Variants in EEA1 observed in about 807,000 individuals in gnomAD.
EEA1 encodes early endosome antigen 1, 162kD.
A neutral mutation model predicts 209.2 loss-of-function variants in EEA1; 111 were observed. That is an observed-to-expected ratio of 0.53 (90% CI 0.45 to 0.62). The LOEUF is 0.62. Ranked by LOEUF, EEA1 falls within the 20% of genes least tolerant of loss-of-function variation. The probability of loss-of-function intolerance (pLI) is 0.00; values close to 1 mark genes in which losing one functional copy is unlikely to be tolerated. For synonymous variants in EEA1, 536 were observed against 540.6 expected (o/e 0.99, Z 0.12); for missense variants, 1,343 against 1,530.8 (o/e 0.88, Z 2.05).
intron 1 of EEA1, among the ~76,000 whole-genome samples, chr12:92,921,038 A>G (rs1012323269): frequency 1.3e-5 from 2 of 152,192 alleles, no homozygotes; most frequent in Admixed American, 6.5e-5. Context: ...GCAAATCAAA[A>G]CCACAATGAG....
chr12:92,788,046 C>A lies in EEA1; in HGVS notation c.2971G>T (p.Glu991Ter). The A allele has an allele frequency of 6.3e-7, 1 of 1,585,532 alleles. No individual in the cohort carries two copies. The highest frequency in any genetic ancestry group is 8.6e-7 in the Non-Finnish European group (1 of 1,169,116). The change falls in exon 22 of 29, where the codon GAG becomes TAG. Residue 991 changes from glutamate (E) to a stop codon, truncating the protein, a stop_gained. Coordinates refer to ENST00000322349, the MANE Select transcript of EEA1 (RefSeq NM_003566.4). LOFTEE classifies it high-confidence loss of function. ...ELKIAVLQKT[E>*]LENKLQQQLT... ...TGCTGCTGTAGTTTATTCTCAAGCT[C>A]TGTCTGAAACATACAATAGTTATTT...
chr12:92,876,457 T>A (rs1466066413), intron 2 of EEA1, among the ~76,000 whole-genome samples: 1 of 152,146 alleles, frequency 6.6e-6, no homozygotes, highest in African/African-American at 2.4e-5. Context: ...TCCTAACAAA[T>A]GGGTAAAAGG....
At chr12:92,875,214 G>A (rs1352627554) in intron 2 of EEA1, among the ~76,000 whole-genome samples, 1 of 152,114 alleles carries the variant, frequency 6.6e-6, no homozygotes, top group Non-Finnish European at 1.5e-5. Context: ...CACTTTGAGA[G>A]GCTGAGGCAG....
chr12:92,852,429 G>T, intron 7 of EEA1, 133 bp from the exon 8 acceptor site: 2 of 507,526 alleles, frequency 3.9e-6, no homozygotes, highest in Non-Finnish European at 3.1e-6. Flanking sequence ...AATATATACA[G>T]TAAATTTATA....
At chr12:92,838,046 G>A (rs1877005191) in intron 10 of EEA1, among the ~76,000 whole-genome samples, 1 of 152,122 alleles carries the variant, frequency 6.6e-6, no homozygotes, top group Non-Finnish European at 1.5e-5. Context: ...GAAACCCTTT[G>A]GGAAAAACAA....
At chr12:92,831,607 TATA>T (rs1876640343) in intron 11 of EEA1, among the ~76,000 whole-genome samples, 1 of 146,904 alleles carries the variant, frequency 6.8e-6, no homozygotes, top group African/African-American at 2.5e-5. Context: ...TTCATAAATA[TATA>T]AATATATAAT....
chr12:92,849,500 A>G (rs956073949), intron 9 of EEA1, among the ~76,000 whole-genome samples: 3 of 151,064 alleles, frequency 2.0e-5, no homozygotes, highest in Admixed American at 6.6e-5. Flanking sequence ...AAGAGCTTTT[A>G]ACTGGCTTCA....
intron 2 of EEA1, among the ~76,000 whole-genome samples, chr12:92,880,666 G>A (rs1012798838): frequency 7.2e-5 from 11 of 152,040 alleles, no homozygotes; most frequent in African/African-American, 2.2e-4. Flanking sequence ...TAGTAGAGAC[G>A]GGGTTTCACA....
At position 92,860,901 on chromosome 12, in the gene EEA1, CAAA is replaced by C. The variant is rs569259795; in HGVS notation, c.246-3419_246-3417del. 2.8e-3 allele frequency among the ~76,000 whole-genome samples: 387 copies of C among 137,570 alleles called. 3 individuals carry two copies. The highest frequency in any genetic ancestry group is 9.7e-3 in the African/African-American group (358 of 37,004). 90.3% of individuals were successfully genotyped at this position (137,570 alleles called of 152,430 possible). A position where few individuals can be genotyped will look rare whatever the true frequency, so the allele number is the denominator to read the frequency against. On this transcript the variant is annotated intron_variant, in intron 3 of 28. Transcript: ENST00000322349. ...TCTACCTTAAAAAAAAAAAAGAAGA[CAAA>C]GAAGAAGAGGAGGAGGAGGAAGAGG...
intron 10 of EEA1, among the ~76,000 whole-genome samples, chr12:92,837,009 TACTC>T (rs1876956987): frequency 6.6e-6 from 1 of 151,770 alleles, no homozygotes; most frequent in South Asian, 2.1e-4. Flanking sequence ...TAATCCCAGT[TACTC>T]AGGAGGCTGA....
At chr12:92,911,311 T>C (rs989940765) in intron 1 of EEA1, among the ~76,000 whole-genome samples, 1 of 152,200 alleles carries the variant, frequency 6.6e-6, no homozygotes, top group South Asian at 2.1e-4. Context: ...AGAAATGAGC[T>C]ATTAAGCCAT....
intron 2 of EEA1, among the ~76,000 whole-genome samples, chr12:92,886,006 T>TA (rs1229390256): frequency 6.6e-6 from 1 of 151,894 alleles, no homozygotes; most frequent in Non-Finnish European, 1.5e-5. Flanking sequence ...CACAAGCCAT[T>TA]ACGAGTGACA....
chr12:92,847,056 G>A (rs1005304049), intron 9 of EEA1, among the ~76,000 whole-genome samples: 4 of 152,028 alleles, frequency 2.6e-5, no homozygotes, highest in African/African-American at 9.7e-5. Context: ...GGGTTCAAGG[G>A]ATTCTCCTGC....
intron 15 of EEA1, among the ~76,000 whole-genome samples, chr12:92,813,807 G>A (rs1014427466): frequency 2.6e-5 from 4 of 152,118 alleles, no homozygotes; most frequent in East Asian, 1.9e-4. Context: ...AAGGTCAAGC[G>A]ATCGAGACTA....
At chr12:92,847,882 A>G (rs986464973) in intron 9 of EEA1, among the ~76,000 whole-genome samples, 1 of 152,146 alleles carries the variant, frequency 6.6e-6, no homozygotes, top group African/African-American at 2.4e-5. Context: ...AGTGCCTAAC[A>G]TAGTATCCAA....
chr12:92,854,100 A>G (rs60712367), intron 5 of EEA1, 146 bp from the exon 6 acceptor site: 147,573 of 544,720 alleles, frequency 0.27, 22,938 homozygotes, highest in Non-Finnish European at 0.32. Context: ...GGTGGTTTCC[A>G]TTCTTCCAGA....
chr12:92,811,867 A>T (rs78784170), intron 16 of EEA1, among the ~76,000 whole-genome samples: 4 of 152,192 alleles, frequency 2.6e-5, no homozygotes, highest in South Asian at 2.1e-4. Flanking sequence ...CACAAAAAAA[A>T]AAAAATAAAA....
Position 92,801,354 on chromosome 12 carries a change from T to G in EEA1, c.2772+246A>C, listed in dbSNP as rs1030672541. 4.6e-5 allele frequency among the ~76,000 whole-genome samples: 7 copies of G among 152,094 alleles called. No homozygotes were observed. The East Asian group carries it at 1.3e-3, about 29-fold the overall frequency. ...TTGGGTCTTTGATTATAAACTAGCT[T>G]AAGTCTTTTTAATAGTAGGCAAAAT... On this transcript the variant is annotated intron_variant, in intron 20 of 28. Coordinates refer to ENST00000322349, the MANE Select transcript of EEA1 (RefSeq NM_003566.4).
chr12:92,866,318 C>G (rs1227992203), intron 2 of EEA1, among the ~76,000 whole-genome samples: 1 of 150,942 alleles, frequency 6.6e-6, no homozygotes, highest in Non-Finnish European at 1.5e-5. Flanking sequence ...TTAAAGGTAG[C>G]AAGAAATAAA....
Sources: allele counts gnomAD v4.1 joint callset (sites outside exome capture counted in the v4.1 genomes callset), GRCh38; gene constraint gnomAD v4.1.1; transcripts MANE v1.5; gene names NCBI Gene and HGNC (gene_info 2026-07-23, HGNC 2026-07-21).